The following SEC23B variants were observed in gnomAD, a reference collection of about 807,000 sequenced individuals.
SEC23B encodes protein transport protein Sec23B.
SEC23B carries 77 observed loss-of-function variants against 104.3 expected under a neutral mutation model. The ratio of observed to expected loss-of-function variants is 0.74; its 90% CI spans 0.61 to 0.89. SEC23B has a LOEUF of 0.89. SEC23B is among the 40% of genes least tolerant of loss of function. The probability of loss-of-function intolerance (pLI) is 0.00; values close to 1 mark genes in which losing one functional copy is unlikely to be tolerated. For synonymous variants in SEC23B, 338 were observed against 332.5 expected (o/e 1.02, Z -0.18); for missense variants, 885 against 949.4 (o/e 0.93, Z 0.89).
chr20:18,530,866 T>C (rs1191482586), intron 10 of SEC23B, 63 bp downstream of exon 10: 2 of 1,370,072 alleles, frequency 1.5e-6, no homozygotes, highest in Admixed American at 3.7e-5. Context: ...GGTCTCAAAC[T>C]CCTGGTCTCA....
chr20:18,544,670 T>C (rs1327660451), intron 14 of SEC23B, among the ~76,000 whole-genome samples: 1 of 151,956 alleles, frequency 6.6e-6, no homozygotes, highest in Non-Finnish European at 1.5e-5. Flanking sequence ...TAAGCGGGGG[T>C]TTGATGTCAG....
At position 18,551,069 on chromosome 20, in the gene SEC23B, TTC is replaced by T. The variant is rs762553551; in HGVS notation, c.1906-12_1906-11del. ...GGAGCAGGGAAGACCAATGCCATCT[TTC>T]TCTCTCTTTTTCTTCAGCCAGTACT... On this transcript the variant is annotated intron_variant, in intron 16 of 19. Coordinates refer to ENST00000650089, the MANE Select transcript of SEC23B (RefSeq NM_006363.6). The T allele has an allele frequency of 1.6e-5, 24 of 1,547,166 alleles. No individual in the cohort carries two copies. The Middle Eastern group carries it at 5.0e-4, about 32-fold the overall frequency.
intron 4 of SEC23B, chr20:18,516,002 C>G (rs2060021350): frequency 2.3e-6 from 1 of 438,130 alleles, no homozygotes; most frequent in East Asian, 4.8e-5. Context: ...ACTCCATCAT[C>G]TAGTTGTTTA....
chr20:18,510,048 T>G (rs1222366024), intron 1 of SEC23B: 1 of 152,192 alleles, frequency 6.6e-6, no homozygotes, highest in Non-Finnish European at 1.5e-5. Flanking sequence ...ATCCAGCTCT[T>G]TTCTCCAAAG....
chr20:18,531,895 T>TAA (rs11478997), intron 10 of SEC23B, among the ~76,000 whole-genome samples: 1 of 148,624 alleles, frequency 6.7e-6, no homozygotes, highest in Admixed American at 6.7e-5. Flanking sequence ...ACAAATGATT[T>TAA]AAAAAAAAAA....
At chr20:18,548,508 C>T in intron 15 of SEC23B, 101 bp from the exon 16 acceptor site, 6 of 1,175,614 alleles carry the variant, frequency 5.1e-6, no homozygotes, top group Non-Finnish European at 7.5e-6. Context: ...GAGCCCTTTT[C>T]TGGGTTCTCC....
rs1339849408 is a variant in SEC23B at position 18,527,541 on chromosome 20, A to G, written c.1039A>G (p.Ile347Val). 1.2e-6 allele frequency: 2 copies of G among 1,613,762 alleles called. No homozygotes were observed. The highest frequency in any genetic ancestry group is 2.2e-5 in the East Asian group (1 of 44,898). The change falls in exon 9 of 20, where the codon ATT (isoleucine) becomes GTT (valine). Residue 347 changes from isoleucine to valine, a missense_variant. By Grantham distance (29) the Ile-to-Val change is conservative (BLOSUM62 3). Transcript: ENST00000650089. The stretch of plus-strand genomic sequence containing the variant: ...TCGAACAGCTGCAAATGGTCACTGC[A>G]TTGATATTTATGCTTGTGCCCTTGA... ...ANRTAANGHC[I>V]DIYACALDQT... is the part of the protein sequence containing the mutation.
At chr20:18,526,351 A>G in intron 7 of SEC23B, 22 bp from the exon 8 acceptor site, 1 of 1,613,942 alleles carries the variant, frequency 6.2e-7, no homozygotes. Context: ...TACTTCTAAC[A>G]TGCTGCCATT....
chr20:18,511,990 A>G (rs986861117), intron 2 of SEC23B, among the ~76,000 whole-genome samples: 29 of 152,224 alleles, frequency 1.9e-4, no homozygotes, highest in Non-Finnish European at 5.9e-5. Context: ...GAAAAGAGAA[A>G]AAGATTTAGT....
At chr20:18,540,204 A>T (rs1032705728) in intron 12 of SEC23B, among the ~76,000 whole-genome samples, 1 of 152,238 alleles carries the variant, frequency 6.6e-6, no homozygotes, top group African/African-American at 2.4e-5. Context: ...TTATAGTCTT[A>T]TGAAATGTGT....
chr20:18,530,897 G>A (rs190964455), intron 10 of SEC23B, 94 bp downstream of exon 10: 73 of 972,084 alleles, frequency 7.5e-5, no homozygotes, highest in African/African-American at 5.5e-4. Context: ...CCGCCTCAGC[G>A]TCCTAAAGTG....
Position 18,527,580 on chromosome 20 carries a change from T to C in SEC23B, c.1078T>C (p.Leu360=), listed in dbSNP as rs757193586. ...YACALDQTGL[L]EMKCCANLTG... ...TTGTGCCCTTGATCAAACTGGACTT[T>C]TGGAGATGAAGTGTTGTGCAAATCT... The change falls in exon 9 of 20, where the codon TTG becomes CTG. Residue 360 remains leucine, a synonymous_variant. Transcript: ENST00000650089. 1.2e-6 allele frequency: 2 copies of C among 1,611,804 alleles called. No homozygotes were observed. Among genetic ancestry groups the C allele is most frequent in the East Asian group, 2.2e-5 (1 of 44,866 alleles).
chr20:18,560,851 G>GTT lies in SEC23B; in HGVS notation c.*111_*112insTT. On this transcript the variant is annotated 3_prime_UTR_variant, in exon 20 of 20. Transcript: ENST00000650089. ...TAGCAGATTTTAACAAATAATCAAG[G>GTT]ACATTTTATATGTAACTCTTTAGAT... 1.2e-6 allele frequency: 1 copy of GTT among 808,938 alleles called. No homozygotes were observed. Among genetic ancestry groups the GTT allele is most frequent in the Admixed American group, 1.9e-5 (1 of 53,416 alleles). The allele number at this position is 808,938 out of a possible 1,614,324, so 50.1% of individuals were successfully genotyped here.
At position 18,524,656 on chromosome 20, in the gene SEC23B, C is replaced by A. The variant is rs1307799159; in HGVS notation, c.590C>A (p.Ala197Glu). The A allele has an allele frequency of 6.2e-7, 1 of 1,612,904 alleles. No homozygotes were observed. Among genetic ancestry groups the A allele is most frequent in the Admixed American group, 1.7e-5 (1 of 60,020 alleles). Residue 197 changes from alanine (A) to glutamate (E), a missense_variant, in exon 5 of 20, where the codon GCA (alanine) becomes GAA (glutamate). By Grantham distance (107) the Ala-to-Glu change is moderately radical. Transcript: ENST00000650089. ...YVFRGTKDLT[A>E]KQIQDMLGLT... ...TTCCGAGGGACCAAGGATTTAACTG[C>A]AAAGCAAATACAGGTTTGTACCTTA...
At chr20:18,544,673 G>C (rs947719370) in intron 14 of SEC23B, among the ~76,000 whole-genome samples, 5 of 152,200 alleles carry the variant, frequency 3.3e-5, no homozygotes, top group African/African-American at 1.2e-4. Flanking sequence ...GCGGGGGTTT[G>C]ATGTCAGCAT....
At chr20:18,555,817 T>A (rs887235232) in intron 19 of SEC23B, among the ~76,000 whole-genome samples, 1 of 152,112 alleles carries the variant, frequency 6.6e-6, no homozygotes, top group African/African-American at 2.4e-5. Context: ...ATATTGAGAT[T>A]TTTAAGGTCA....
chr20:18,528,950 A>G (rs1442341315), intron 9 of SEC23B, among the ~76,000 whole-genome samples: 1 of 152,206 alleles, frequency 6.6e-6, no homozygotes, highest in African/African-American at 2.4e-5. Context: ...GTGCTATAGG[A>G]GAAGATTATC....
At chr20:18,558,042 C>T (rs971555715) in intron 19 of SEC23B, among the ~76,000 whole-genome samples, 7 of 152,136 alleles carry the variant, frequency 4.6e-5, no homozygotes, top group African/African-American at 1.2e-4. Flanking sequence ...TGAGCCACCG[C>T]GCCTGGCCTA....
chr20:18,530,615 T>C, intron 9 of SEC23B, 65 bp from the exon 10 acceptor site: 1 of 1,575,240 alleles, frequency 6.3e-7, no homozygotes, highest in Non-Finnish European at 8.6e-7. Flanking sequence ...TTGTAAATAC[T>C]GAGGGAGCAT....
Sources: allele counts gnomAD v4.1 joint callset (sites outside exome capture counted in the v4.1 genomes callset), GRCh38; gene constraint gnomAD v4.1.1; transcripts MANE v1.5; gene names NCBI Gene and HGNC (gene_info 2026-07-23, HGNC 2026-07-21).